The following ABTB3 variants were observed in gnomAD, a reference collection of about 807,000 sequenced individuals.
ABTB3 encodes the protein ankyrin repeat and BTB domain containing 3.
the ABTB3 span, among the ~76,000 whole-genome samples, chr12:107,467,483 A>C: frequency 6.6e-6 from 1 of 152,128 alleles, no homozygotes; most frequent in South Asian, 2.1e-4. Flanking sequence ...CAACCAGAGC[A>C]CTTGATAATT....
At chr12:107,515,568 T>C in the ABTB3 span, among the ~76,000 whole-genome samples, 3 of 152,300 alleles carry the variant, frequency 2.0e-5, no homozygotes, top group African/African-American at 4.8e-5. Context: ...AGATGAGGAA[T>C]TGGCCCAAGA....
the ABTB3 span, among the ~76,000 whole-genome samples, chr12:107,619,690 G>A: frequency 3.9e-5 from 6 of 152,158 alleles, no homozygotes; most frequent in African/African-American, 1.4e-4. Flanking sequence ...TATGCTACAC[G>A]ATGATTACAT....
At chr12:107,485,590 T>G in the ABTB3 span, among the ~76,000 whole-genome samples, 2 of 152,180 alleles carry the variant, frequency 1.3e-5, no homozygotes, top group African/African-American at 2.4e-5. Context: ...CTTGACCTTC[T>G]GAAATGAATA....
chr12:107,549,589 C>T, the ABTB3 span, among the ~76,000 whole-genome samples: 5 of 152,198 alleles, frequency 3.3e-5, no homozygotes, highest in African/African-American at 9.7e-5. Flanking sequence ...GGAAGAAAAC[C>T]TCTGGGAGGC....
At chr12:107,610,372 T>A in the ABTB3 span, 1 of 1,611,704 alleles carries the variant, frequency 6.2e-7, no homozygotes, top group Non-Finnish European at 8.5e-7. Context: ...GGTCCGAGGG[T>A]CTGAACAGGC....
At chr12:107,368,744 T>C in the ABTB3 span, among the ~76,000 whole-genome samples, 1 of 152,216 alleles carries the variant, frequency 6.6e-6, no homozygotes, top group African/African-American at 2.4e-5. Context: ...CCATATCCTG[T>C]TTAACAATCA....
chr12:107,647,850 C>G, the ABTB3 span, among the ~76,000 whole-genome samples: 1 of 152,184 alleles, frequency 6.6e-6, no homozygotes, highest in Non-Finnish European at 1.5e-5. Context: ...ATTCAGGTCC[C>G]CCAGCTTTTA....
the ABTB3 span, among the ~76,000 whole-genome samples, chr12:107,433,296 C>CAAAAAA: frequency 5.2e-4 from 12 of 23,118 alleles, no homozygotes; most frequent in Non-Finnish European, 8.2e-4. Flanking sequence ...GACTCCGTCT[C>CAAAAAA]AAAAAAAAAA....
At chr12:107,495,339 G>C in the ABTB3 span, among the ~76,000 whole-genome samples, 1 of 152,242 alleles carries the variant, frequency 6.6e-6, no homozygotes, top group African/African-American at 2.4e-5. Flanking sequence ...TCTGCAGGCA[G>C]AACAGACTTG....
the ABTB3 span, among the ~76,000 whole-genome samples, chr12:107,461,597 G>A: frequency 4.1e-5 from 4 of 97,538 alleles, no homozygotes; most frequent in African/African-American, 8.3e-5. Context: ...GAATCCATTC[G>A]CAACCCCTTG....
the ABTB3 span, among the ~76,000 whole-genome samples, chr12:107,427,895 C>A: frequency 6.6e-6 from 1 of 152,164 alleles, no homozygotes; most frequent in South Asian, 2.1e-4. Flanking sequence ...ATGCTGACCA[C>A]GTCAAAATCT....
chr12:107,459,784 C>G, the ABTB3 span, among the ~76,000 whole-genome samples: 369 of 152,360 alleles, frequency 2.4e-3, 1 homozygote, highest in African/African-American at 8.4e-3. Flanking sequence ...GCACACACAG[C>G]CATGCACAGG....
chr12:107,509,005 TG>T, the ABTB3 span, among the ~76,000 whole-genome samples: 2 of 152,162 alleles, frequency 1.3e-5, no homozygotes, highest in South Asian at 4.1e-4. Context: ...ATTCCATGCC[TG>T]GAAGTTCTGA....
chr12:107,502,217 G>T, the ABTB3 span, among the ~76,000 whole-genome samples: 7 of 151,866 alleles, frequency 4.6e-5, no homozygotes, highest in Admixed American at 3.3e-4. Flanking sequence ...GGTGCATGCC[G>T]CCTTGCCTGG....
chr12:107,566,513 A>G, the ABTB3 span, among the ~76,000 whole-genome samples: 1 of 152,214 alleles, frequency 6.6e-6, no homozygotes, highest in African/African-American at 2.4e-5. Flanking sequence ...ATTAAGAGTA[A>G]GGAAGACTGC....
chr12:107,362,249 C>T, the ABTB3 span, among the ~76,000 whole-genome samples: 1 of 152,206 alleles, frequency 6.6e-6, no homozygotes, highest in Non-Finnish European at 1.5e-5. Flanking sequence ...AGACCTCAAC[C>T]TGGAACTATG....
the ABTB3 span, among the ~76,000 whole-genome samples, chr12:107,410,844 A>C: frequency 6.6e-6 from 1 of 152,150 alleles, no homozygotes; most frequent in Non-Finnish European, 1.5e-5. Context: ...AAGAGATGCT[A>C]ATCAAATAGT....
the ABTB3 span, among the ~76,000 whole-genome samples, chr12:107,529,438 G>C: frequency 3.9e-5 from 6 of 152,162 alleles, no homozygotes; most frequent in South Asian, 1.2e-3. Flanking sequence ...TGATGTACAT[G>C]ATGGCAATGA....
chr12:107,398,302 C>T, the ABTB3 span, among the ~76,000 whole-genome samples: 1 of 152,240 alleles, frequency 6.6e-6, no homozygotes, highest in Non-Finnish European at 1.5e-5. Flanking sequence ...TGCCTATCCT[C>T]ACTGAGATAG....
Sources: allele counts gnomAD v4.1 joint callset (sites outside exome capture counted in the v4.1 genomes callset), GRCh38; gene constraint gnomAD v4.1.1; transcripts MANE v1.5; gene names NCBI Gene and HGNC (gene_info 2026-07-23, HGNC 2026-07-21).